The following ADAMTS3 variants were observed in gnomAD, a reference collection of about 807,000 sequenced individuals.
ADAMTS3 encodes the protein A disintegrin and metalloproteinase with thrombospondin motifs 3.
In ADAMTS3, 73 loss-of-function variants were observed where a neutral mutation model predicts 129.0. The ratio of observed to expected loss-of-function variants is 0.57; its 90% CI spans 0.47 to 0.69. ADAMTS3 has a LOEUF of 0.69. Ranked by LOEUF, ADAMTS3 falls within the 30% of genes least tolerant of loss-of-function variation. ADAMTS3 has a pLI of 0.00. For synonymous variants in ADAMTS3, 477 were observed against 510.8 expected, an observed-to-expected ratio of 0.93 and a Z score of 0.89; for missense variants, 1,457 against 1,514.5, an observed-to-expected ratio of 0.96 and a Z score of 0.63.
chr4:72,547,915 G>T lies in ADAMTS3; in HGVS notation c.504+563C>A, dbSNP rs531472327. 9.2e-5 allele frequency among the ~76,000 whole-genome samples: 14 copies of T among 152,170 alleles called. No individual in the cohort carries two copies. The South Asian group carries it at 2.9e-3, about 32-fold the overall frequency. On this transcript the variant is annotated intron_variant, in intron 3 of 21. Coordinates refer to ENST00000286657, the MANE Select transcript of ADAMTS3 (RefSeq NM_014243.3). ...CACAAAACTGAAAAGCAACATATGG[G>T]TATTAAATTTGAAAATGAAGAATTG...
intron 2 of ADAMTS3, among the ~76,000 whole-genome samples, chr4:72,552,844 C>A (rs77505725): frequency 0.016 from 2,463 of 152,272 alleles, 23 homozygotes; most frequent in Non-Finnish European, 0.026. Flanking sequence ...CTCTGTCCCC[C>A]TTCTGTGTCT....
intron 2 of ADAMTS3, among the ~76,000 whole-genome samples, chr4:72,559,137 T>C (rs1017449272): frequency 6.6e-6 from 1 of 151,666 alleles, no homozygotes; most frequent in African/African-American, 2.4e-5. Context: ...CATGAGAGTA[T>C]CATTTGAACT....
At chr4:72,301,959 G>A (rs545463544) in intron 17 of ADAMTS3, among the ~76,000 whole-genome samples, 10 of 152,042 alleles carry the variant, frequency 6.6e-5, no homozygotes, top group Non-Finnish European at 2.9e-5. Context: ...GTCCACAGTG[G>A]GAGTGCTGGG....
chr4:72,377,895 G>A (rs1721173855), intron 4 of ADAMTS3, among the ~76,000 whole-genome samples: 1 of 152,070 alleles, frequency 6.6e-6, no homozygotes, highest in African/African-American at 2.4e-5. Flanking sequence ...GGAAAATCAG[G>A]GAATAACAGA....
At chr4:72,552,964 A>AT (rs1721680394) in intron 2 of ADAMTS3, among the ~76,000 whole-genome samples, 1 of 152,172 alleles carries the variant, frequency 6.6e-6, no homozygotes. Flanking sequence ...AAGGCAGAAG[A>AT]TTTTATCTGT....
rs116541979 is a variant in ADAMTS3 at position 72,493,891 on chromosome 4, A to G, written c.504+54587T>C. 8.3e-3 allele frequency among the ~76,000 whole-genome samples: 1,265 copies of G among 152,148 alleles called. 15 individuals carry two copies. The highest frequency in any genetic ancestry group is 0.029 in the African/African-American group (1,208 of 41,520). ...GTTTTTTTCTTTCAGAACTTTTAAT[A>G]TATCATACAAATCACTCCTGGACAG... On this transcript the variant is annotated intron_variant, in intron 3 of 21. Transcript: ENST00000286657.
intron 11 of ADAMTS3, among the ~76,000 whole-genome samples, chr4:72,315,216 A>G (rs1428856020): frequency 1.3e-5 from 2 of 152,236 alleles, no homozygotes; most frequent in Non-Finnish European, 2.9e-5. Flanking sequence ...GCTTCTTCCT[A>G]TTCTGCCAAC....
intron 3 of ADAMTS3, among the ~76,000 whole-genome samples, chr4:72,523,149 A>C (rs1358484330): frequency 6.6e-6 from 1 of 152,122 alleles, no homozygotes; most frequent in African/African-American, 2.4e-5. Context: ...TATAAAAAAA[A>C]GAAAAAGTAA....
chr4:72,564,768 C>A (rs913035191), intron 2 of ADAMTS3, among the ~76,000 whole-genome samples: 2 of 152,142 alleles, frequency 1.3e-5, no homozygotes, highest in African/African-American at 4.8e-5. Flanking sequence ...TCACAAACTG[C>A]CTTCTCTTTA....
At chr4:72,424,189 G>A (rs1004954486) in intron 3 of ADAMTS3, among the ~76,000 whole-genome samples, 3 of 151,890 alleles carry the variant, frequency 2.0e-5, no homozygotes, top group Non-Finnish European at 4.4e-5. Flanking sequence ...CTGTTATCTC[G>A]AAAGCATCTC....
intron 21 of ADAMTS3, 86 bp from the exon 22 acceptor site, chr4:72,283,790 T>G (rs1560457442): frequency 5.0e-6 from 6 of 1,203,738 alleles, no homozygotes; most frequent in Non-Finnish European, 6.7e-6. Flanking sequence ...TTAATGAATG[T>G]AAAAAGATTT....
At chr4:72,369,629 C>T (rs1162986326) in intron 4 of ADAMTS3, among the ~76,000 whole-genome samples, 5 of 151,304 alleles carry the variant, frequency 3.3e-5, no homozygotes, top group Non-Finnish European at 7.4e-5. Flanking sequence ...GAGAATTGTT[C>T]GATCCTGGTA....
At chr4:72,424,784 C>T (rs1722529344) in intron 3 of ADAMTS3, among the ~76,000 whole-genome samples, 1 of 152,104 alleles carries the variant, frequency 6.6e-6, no homozygotes, top group South Asian at 2.1e-4. Flanking sequence ...CTGAATACTA[C>T]ATAACTAATC....
chr4:72,331,737 T>G lies in ADAMTS3; in HGVS notation c.861+7757A>C, dbSNP rs78387017. On this transcript the variant is annotated intron_variant, in intron 5 of 21. Coordinates refer to ENST00000286657, the MANE Select transcript of ADAMTS3 (RefSeq NM_014243.3). ...GCTGTTCCCCATCTTCCAAGACCTA[T>G]CTCCCCTTTTTCTAGCAGGAAAATG... 6.9e-3 allele frequency among the ~76,000 whole-genome samples: 1,050 copies of G among 152,086 alleles called. 5 individuals carry two copies. Among genetic ancestry groups the G allele is most frequent in the Non-Finnish European group, 9.6e-3 (656 of 67,992 alleles).
chr4:72,464,163 C>T (rs1353733261), intron 3 of ADAMTS3, among the ~76,000 whole-genome samples: 1 of 152,052 alleles, frequency 6.6e-6, no homozygotes, highest in African/African-American at 2.4e-5. Flanking sequence ...CTACCTGCTG[C>T]TCACTTTTTA....
At chr4:72,538,134 C>A (rs1175515632) in intron 3 of ADAMTS3, among the ~76,000 whole-genome samples, 1 of 152,090 alleles carries the variant, frequency 6.6e-6, no homozygotes, top group Non-Finnish European at 1.5e-5. Flanking sequence ...GGCTAAAGGA[C>A]CTGTGGAACA....
chr4:72,451,687 T>C (rs1718410006), intron 3 of ADAMTS3, among the ~76,000 whole-genome samples: 1 of 151,818 alleles, frequency 6.6e-6, no homozygotes, highest in Admixed American at 6.6e-5. Flanking sequence ...CAAAACCCAA[T>C]ATATCTCTGA....
intron 4 of ADAMTS3, among the ~76,000 whole-genome samples, chr4:72,362,449 T>C (rs529010988): frequency 1.2e-4 from 18 of 152,280 alleles, no homozygotes; most frequent in African/African-American, 3.9e-4. Flanking sequence ...TCATGGGAAA[T>C]TTAAACTCTT....
chr4:72,302,444 G>A lies in ADAMTS3; in HGVS notation c.2424+1473C>T, dbSNP rs540332591. On this transcript the variant is annotated intron_variant, in intron 17 of 21. Coordinates refer to ENST00000286657, the MANE Select transcript of ADAMTS3 (RefSeq NM_014243.3). The stretch of plus-strand genomic sequence containing the variant: ...ACTTAGAGCTCAAAAGGAATAATCC[G>A]ATCTGAAAAATGTATTTTAAAAAAG... Among the ~76,000 whole-genome samples, 189 of 152,098 alleles carry A rather than the reference G, an allele frequency of 1.2e-3. 2 individuals carry two copies. The highest frequency in any genetic ancestry group is 4.3e-3 in the African/African-American group (179 of 41,502).
Sources: allele counts gnomAD v4.1 joint callset (sites outside exome capture counted in the v4.1 genomes callset), GRCh38; gene constraint gnomAD v4.1.1; transcripts MANE v1.5; gene names NCBI Gene and HGNC (gene_info 2026-07-23, HGNC 2026-07-21).